BBS9: variants seen among roughly 807,000 people sequenced by gnomAD.
The protein encoded by BBS9 is protein PTHB1.
BBS9 carries 89 observed loss-of-function variants against 117.7 expected under a neutral mutation model. That is an observed-to-expected ratio of 0.76 (90% CI 0.64 to 0.90). BBS9 has a LOEUF of 0.90. Ranked by LOEUF, BBS9 falls within the 40% of genes least tolerant of loss-of-function variation. The pLI is 0.00. For synonymous variants in BBS9, 379 were observed against 370.9 expected (o/e 1.02, Z -0.25); for missense variants, 982 against 1,042.2 (o/e 0.94, Z 0.80).
Position 33,604,916 on chromosome 7 carries a change from A to G in BBS9, c.2573A>G (p.Gln858Arg). 1 of 1,613,870 alleles carries G rather than the reference A, an allele frequency of 6.2e-7. No homozygotes were observed. The highest frequency in any genetic ancestry group is 8.5e-7 in the Non-Finnish European group (1 of 1,179,816). Residue 858 changes from glutamine to arginine, a missense_variant, in exon 22 of 23, where the codon CAA becomes CGA. Transcript: ENST00000242067. ...GACCTAGAAGAAAGATCAGTAGAACAAGACTCTACAGAACTGTTTACCAAC... is the reference window on the plus strand; with the variant it reads ...GACCTAGAAGAAAGATCAGTAGAACGAGACTCTACAGAACTGTTTACCAAC... ...ESDLEERSVE[Q>R]DSTELFTNHR... is the part of the protein sequence containing the mutation.
chr7:33,219,066 G>A (rs1218637574), intron 5 of BBS9, among the ~76,000 whole-genome samples: 3 of 152,214 alleles, frequency 2.0e-5, no homozygotes, highest in Non-Finnish European at 2.9e-5. Context: ...CCCCGCACTC[G>A]GAGCAGCCGG....
intron 19 of BBS9, among the ~76,000 whole-genome samples, chr7:33,414,504 G>T (rs1359765351): frequency 6.6e-6 from 1 of 152,086 alleles, no homozygotes; most frequent in East Asian, 1.9e-4. Context: ...ACATTCTCCT[G>T]TCTCTTTGTG....
At chr7:33,146,172 T>A in intron 1 of BBS9, 70 bp from the exon 2 acceptor site, 1 of 1,068,078 alleles carries the variant, frequency 9.4e-7, no homozygotes, top group Non-Finnish European at 1.4e-6. Context: ...CAAGTTTAAT[T>A]TGCTATGCCT....
chr7:33,400,830 A>G (rs1312784033), intron 19 of BBS9, among the ~76,000 whole-genome samples: 2 of 152,220 alleles, frequency 1.3e-5, no homozygotes, highest in African/African-American at 2.4e-5. Context: ...TACTTTTATG[A>G]GGCCCAGCTG....
intron 6 of BBS9, among the ~76,000 whole-genome samples, chr7:33,257,873 A>C (rs1434279645): frequency 6.6e-6 from 1 of 152,222 alleles, no homozygotes. Context: ...AATATGTGTG[A>C]TATAGGAAAA....
chr7:33,337,613 A>G (rs1464743040), intron 10 of BBS9, among the ~76,000 whole-genome samples: 1 of 152,150 alleles, frequency 6.6e-6, no homozygotes, highest in Non-Finnish European at 1.5e-5. Context: ...TTTTGAAAGT[A>G]AACCAGTGAA....
At chr7:33,463,378 C>T (rs1839754010) in intron 19 of BBS9, among the ~76,000 whole-genome samples, 1 of 151,920 alleles carries the variant, frequency 6.6e-6, no homozygotes, top group African/African-American at 2.4e-5. Flanking sequence ...CTGCATCTTG[C>T]TCTGTAGATC....
chr7:33,424,530 G>C (rs1173656535), intron 19 of BBS9, among the ~76,000 whole-genome samples: 1 of 152,048 alleles, frequency 6.6e-6, no homozygotes, highest in African/African-American at 2.4e-5. Flanking sequence ...CTTCTCTCTT[G>C]TAATGTGTGA....
chr7:33,397,795 A>G (rs1055586111), intron 19 of BBS9, among the ~76,000 whole-genome samples: 6 of 152,070 alleles, frequency 3.9e-5, no homozygotes, highest in African/African-American at 1.4e-4. Flanking sequence ...TTGTGAGGGG[A>G]AACTACACAC....
At chr7:33,373,886 A>G (rs758419928) in intron 17 of BBS9, among the ~76,000 whole-genome samples, 1 of 152,234 alleles carries the variant, frequency 6.6e-6, no homozygotes, top group Non-Finnish European at 1.5e-5. Flanking sequence ...TTTCTTTTGC[A>G]TCTTCCAAAA....
intron 9 of BBS9, among the ~76,000 whole-genome samples, chr7:33,291,026 C>T (rs1803943721): frequency 6.6e-6 from 1 of 151,930 alleles, no homozygotes; most frequent in African/African-American, 2.4e-5. Context: ...AAATAGGGTA[C>T]AAAGCAAAAT....
intron 16 of BBS9, among the ~76,000 whole-genome samples, chr7:33,358,761 A>T (rs1457742774): frequency 1.3e-5 from 2 of 151,972 alleles, no homozygotes. Flanking sequence ...TTCATTAAAA[A>T]TCAGCACTGT....
chr7:33,130,360 A>G (rs1050676637), intron 1 of BBS9, among the ~76,000 whole-genome samples: 8 of 152,232 alleles, frequency 5.3e-5, no homozygotes, highest in African/African-American at 1.4e-4. Context: ...CGACTGAAGT[A>G]GGATGCATGT....
At chr7:33,293,131 G>GCAGA (rs1804431964) in intron 9 of BBS9, among the ~76,000 whole-genome samples, 1 of 151,780 alleles carries the variant, frequency 6.6e-6, no homozygotes, top group Non-Finnish European at 1.5e-5. Context: ...TTTCAAAAAA[G>GCAGA]CAGATTTGGT....
chr7:33,424,460 G>GT (rs1157117228), intron 19 of BBS9, among the ~76,000 whole-genome samples: 4 of 151,862 alleles, frequency 2.6e-5, no homozygotes, highest in Non-Finnish European at 4.4e-5. Context: ...GAGAAGAGAT[G>GT]TTTTTTTTAA....
At chr7:33,565,815 A>ACTGC (rs1563370063) in intron 21 of BBS9, among the ~76,000 whole-genome samples, 19 of 60,152 alleles carry the variant, frequency 3.2e-4, no homozygotes, top group African/African-American at 1.9e-3. Context: ...ATATATATAT[A>ACTGC]TATATATATA....
At chr7:33,490,755 A>C (rs1843780655) in intron 19 of BBS9, among the ~76,000 whole-genome samples, 1 of 152,234 alleles carries the variant, frequency 6.6e-6, no homozygotes, top group African/African-American at 2.4e-5. Context: ...TTAATAAGAA[A>C]TAAACTTTAT....
intron 5 of BBS9, among the ~76,000 whole-genome samples, chr7:33,251,651 A>G (rs1796243712): frequency 1.3e-5 from 2 of 152,258 alleles, no homozygotes; most frequent in Admixed American, 1.3e-4. Context: ...AAGAGTTAGA[A>G]AATAATTATA....
chr7:33,476,505 T>C (rs1367218688), intron 19 of BBS9, among the ~76,000 whole-genome samples: 1 of 152,208 alleles, frequency 6.6e-6, no homozygotes, highest in East Asian at 1.9e-4. Context: ...CATGGCTGCA[T>C]TTCCTCCTTG....
Sources: allele counts gnomAD v4.1 joint callset (sites outside exome capture counted in the v4.1 genomes callset), GRCh38; gene constraint gnomAD v4.1.1; transcripts MANE v1.5; gene names NCBI Gene and HGNC (gene_info 2026-07-23, HGNC 2026-07-21).